The following TMLHE variants were observed in gnomAD, a reference collection of about 807,000 sequenced individuals.
TMLHE encodes the protein trimethyllysine hydroxylase, epsilon.
A neutral mutation model predicts 25.7 loss-of-function variants in TMLHE; 18 were observed. The ratio of observed to expected loss-of-function variants is 0.70; its 90% CI spans 0.48 to 1.04. The LOEUF is 1.04. Among genes scored for constraint, TMLHE ranks in the 50% least tolerant of loss-of-function variants. TMLHE has a pLI of 0.00. For missense variants in TMLHE, 236 were observed against 259.0 expected, an observed-to-expected ratio of 0.91 and a Z score of 0.61; for synonymous variants, 105 against 97.0, an observed-to-expected ratio of 1.08 and a Z score of -0.49.
chrX:155,579,635 T>C (rs1311205559), intron 1 of TMLHE, among the ~76,000 whole-genome samples: 1 of 111,682 alleles, frequency 9.0e-6, no homozygotes, highest in Non-Finnish European at 1.9e-5. Flanking sequence ...GTAGTGAACA[T>C]AGTACCCAAT....
At chrX:155,537,464 A>C (rs2067285567) in intron 2 of TMLHE, among the ~76,000 whole-genome samples, 2 of 110,701 alleles carry the variant, frequency 1.8e-5, no homozygotes, top group Admixed American at 9.6e-5. Context: ...GTACTCTCAA[A>C]ATTTTCATTT....
chrX:155,548,706 G>A (rs1272678976), intron 1 of TMLHE, among the ~76,000 whole-genome samples: 10 of 107,088 alleles, frequency 9.3e-5, no homozygotes, highest in Non-Finnish European at 1.5e-4. Context: ...CTGCACTCCA[G>A]CCTGGGCGAC....
intron 1 of TMLHE, among the ~76,000 whole-genome samples, chrX:155,572,013 G>T (rs9710575): frequency 0.072 from 3,757 of 52,479 alleles, 834 homozygotes; most frequent in African/African-American, 0.096. Context: ...GGAAATAAAG[G>T]CTATTCAATT....
chrX:155,600,459 A>G (rs186328863), intron 1 of TMLHE, among the ~76,000 whole-genome samples: 18 of 112,231 alleles, frequency 1.6e-4, no homozygotes, highest in Non-Finnish European at 2.8e-4. Context: ...TTGGTACAAA[A>G]TATTTGTTAC....
chrX:155,512,780 T>C (rs190464142), intron 4 of TMLHE, among the ~76,000 whole-genome samples: 1 of 111,806 alleles, frequency 8.9e-6, no homozygotes, highest in East Asian at 2.8e-4. Flanking sequence ...CATGGAGGAA[T>C]AAAGAAAAGA....
At chrX:155,610,550 A>G (rs2067812784) in intron 1 of TMLHE, among the ~76,000 whole-genome samples, 1 of 111,649 alleles carries the variant, frequency 9.0e-6, no homozygotes, top group Admixed American at 9.5e-5. Flanking sequence ...TACTTTGACA[A>G]TTTATTAGGG....
chrX:155,528,478 C>A (rs915535187), intron 2 of TMLHE, among the ~76,000 whole-genome samples: 7 of 109,787 alleles, frequency 6.4e-5, no homozygotes, highest in Non-Finnish European at 5.7e-5. Flanking sequence ...TATTCTTTAT[C>A]CCCCTCCTTC....
intron 1 of TMLHE, among the ~76,000 whole-genome samples, chrX:155,582,728 T>C (rs1784162290): frequency 8.9e-6 from 1 of 112,182 alleles, no homozygotes. Context: ...TTGGTGGGAC[T>C]GTAAGCTAGT....
intron 1 of TMLHE, among the ~76,000 whole-genome samples, chrX:155,550,090 A>T: frequency 9.0e-6 from 1 of 110,761 alleles, no homozygotes; most frequent in Middle Eastern, 4.6e-3. Context: ...TCCGTGGCGT[A>T]TATGTGCCAC....
At chrX:155,546,056 T>G (rs2067342917) in intron 1 of TMLHE, among the ~76,000 whole-genome samples, 1 of 110,646 alleles carries the variant, frequency 9.0e-6, no homozygotes, top group South Asian at 3.8e-4. Flanking sequence ...TCTCCGCTGG[T>G]TATGTGTGCT....
intron 6 of TMLHE, among the ~76,000 whole-genome samples, chrX:155,505,133 T>C (rs1409049881): frequency 8.9e-6 from 1 of 111,931 alleles, no homozygotes; most frequent in African/African-American, 3.2e-5. Context: ...TAAAATTCAC[T>C]GAAAATAAGA....
intron 1 of TMLHE, among the ~76,000 whole-genome samples, chrX:155,585,007 G>T (rs2067655299): frequency 9.0e-6 from 1 of 111,369 alleles, no homozygotes; most frequent in Non-Finnish European, 1.9e-5. Flanking sequence ...TACCACTACA[G>T]AAAATCACCA....
intron 2 of TMLHE, among the ~76,000 whole-genome samples, chrX:155,533,363 A>G (rs1557337279): frequency 1.2e-5 from 1 of 84,347 alleles, no homozygotes; most frequent in Non-Finnish European, 2.4e-5. Flanking sequence ...ATACACATGC[A>G]CACACACGTG....
At chrX:155,541,200 C>T (rs1272202617) in intron 2 of TMLHE, among the ~76,000 whole-genome samples, 1 of 110,582 alleles carries the variant, frequency 9.0e-6, no homozygotes, top group African/African-American at 3.3e-5. Flanking sequence ...TCCCCTAGAC[C>T]CCACTCCCTG....
chrX:155,585,336 G>A (rs1481574907), intron 1 of TMLHE, among the ~76,000 whole-genome samples: 2 of 109,355 alleles, frequency 1.8e-5, no homozygotes, highest in African/African-American at 3.3e-5. Context: ...CAGACTTTAG[G>A]TGAAAAACAG....
chrX:155,548,554 T>A lies in TMLHE; in HGVS notation c.-1-3277A>T, dbSNP rs190810771. Among the ~76,000 whole-genome samples, 510 of 107,020 alleles carry A rather than the reference T, an allele frequency of 4.8e-3. 8 individuals are homozygous for A. The highest frequency in any genetic ancestry group is 7.4e-3 in the Non-Finnish European group (386 of 52,035). 92.9% of individuals were successfully genotyped at this position (107,020 alleles called of 115,157 possible). Reference sequence around the variant, plus strand: ...TATGAGGCCAGCCTGACTAACATGGTGAAACCCTGTCTCTACTAAAAAATA... The same window carrying A: ...TATGAGGCCAGCCTGACTAACATGGAGAAACCCTGTCTCTACTAAAAAATA... On this transcript the variant is annotated intron_variant, in intron 1 of 7. Coordinates refer to ENST00000334398, the MANE Select transcript of TMLHE (RefSeq NM_018196.4).
intron 1 of TMLHE, among the ~76,000 whole-genome samples, chrX:155,590,890 CA>C (rs1272736453): frequency 2.7e-5 from 3 of 110,635 alleles, no homozygotes; most frequent in Non-Finnish European, 3.8e-5. Context: ...AATAATTAAA[CA>C]TTCAAATCAA....
chrX:155,559,377 A>T (rs187860829), intron 1 of TMLHE, among the ~76,000 whole-genome samples: 190 of 110,696 alleles, frequency 1.7e-3, no homozygotes, highest in African/African-American at 6.0e-3. Flanking sequence ...ATTATCTTTT[A>T]AAAAAAAGAA....
chrX:155,579,677 C>G (rs1363048392), intron 1 of TMLHE, among the ~76,000 whole-genome samples: 1 of 111,115 alleles, frequency 9.0e-6, no homozygotes, highest in Non-Finnish European at 1.9e-5. Flanking sequence ...CCCCCTCTTT[C>G]TCTCCCACCT....
Sources: allele counts gnomAD v4.1 joint callset (sites outside exome capture counted in the v4.1 genomes callset), GRCh38; gene constraint gnomAD v4.1.1; transcripts MANE v1.5; gene names NCBI Gene and HGNC (gene_info 2026-07-23, HGNC 2026-07-21).